Variants in FASN observed in about 807,000 individuals in gnomAD.
FASN encodes the protein 3-hydroxyacyl-[acyl-carrier-protein] dehydratase.
In FASN, 50 loss-of-function variants were observed where a neutral mutation model predicts 250.0. That is an observed-to-expected ratio of 0.20 (90% CI 0.16 to 0.25). FASN has a LOEUF of 0.25. Ranked by LOEUF, FASN falls within the 10% of genes least tolerant of loss-of-function variation. The pLI is 1.00. For synonymous variants in FASN, 1,909 were observed against 1,584.0 expected, an observed-to-expected ratio of 1.21 and a Z score of -4.87; for missense variants, 3,031 against 3,498.5, an observed-to-expected ratio of 0.87 and a Z score of 3.37.
At chr17:82,087,925 G>C in intron 18 of FASN, 29 bp downstream of exon 18, 1 of 1,612,266 alleles carries the variant, frequency 6.2e-7, no homozygotes, top group Non-Finnish European at 8.5e-7. Context: ...CACAGCCTCC[G>C]CAGCTCCCGT....
chr17:82,088,957 G>A lies in FASN; in HGVS notation c.2304+12C>T, dbSNP rs757368502. On this transcript the variant is annotated intron_variant, in intron 14 of 42. Coordinates refer to ENST00000306749, the MANE Select transcript of FASN (RefSeq NM_004104.5). ...AGGCTCCCGGCGCCTGCTGCCCCCA[G>A]GCTGGGCCTACCTGCAGCAGGGCGT... is the stretch of plus-strand genomic sequence containing the variant. The A allele has an allele frequency of 6.2e-7, 1 of 1,608,824 alleles. No homozygotes were observed. Among genetic ancestry groups the A allele is most frequent in the Non-Finnish European group, 8.5e-7 (1 of 1,178,236 alleles).
chr17:82,097,453 C>T (rs1057212324), intron 1 of FASN: 1 of 152,464 alleles, frequency 6.6e-6, no homozygotes, highest in African/African-American at 2.4e-5. Flanking sequence ...TGCGGCCTCC[C>T]TTGGGCCGTC....
chr17:82,090,356 G>T lies in FASN; in HGVS notation c.1870+19C>A. ...GCCTCCTTTCTTGGAGGTGCTGGGGGCCCCTCCGGGAGACCTACCCACGGC... is the reference window on the plus strand; with the variant it reads ...GCCTCCTTTCTTGGAGGTGCTGGGGTCCCCTCCGGGAGACCTACCCACGGC... On this transcript the variant is annotated intron_variant, in intron 11 of 42. Coordinates refer to ENST00000306749, the MANE Select transcript of FASN (RefSeq NM_004104.5). 1 of 1,565,078 alleles carries T rather than the reference G, an allele frequency of 6.4e-7. No homozygotes were observed.
In FASN at chr17:82,083,268, C is replaced by T. The variant is rs2144785218; in HGVS notation, c.5499G>A (p.Gly1833=). ...VRPLKCTVFH[G]AQVEDAFRYM... ...AGCGGAAGGCGTCCTCCACCTGGGC[C>T]CCATGGAACACCGTGCACTTGAGGG... The change falls in exon 32 of 43, where the codon GGG becomes GGA. Residue 1833 remains glycine (G), a synonymous_variant. Coordinates refer to ENST00000306749, the MANE Select transcript of FASN (RefSeq NM_004104.5). The T allele has an allele frequency of 1.9e-6, 3 of 1,612,746 alleles. No individual in the cohort carries two copies. The highest frequency in any genetic ancestry group is 2.5e-6 in the Non-Finnish European group (3 of 1,179,974).
rs367737065 is a variant in FASN, at chr17:82,093,581, G to A, written c.454+17C>T. On this transcript the variant is annotated intron_variant, in intron 4 of 42. Coordinates refer to ENST00000306749, the MANE Select transcript of FASN (RefSeq NM_004104.5). ...CTGAAGGCCACCCACCTCCGCAGGA[G>A]GCTGGGCAGGACCCACCTCTGAAGT... 1.2e-5 allele frequency: 19 copies of A among 1,612,664 alleles called. No individual in the cohort carries two copies. Among genetic ancestry groups the A allele is most frequent in the African/African-American group, 2.7e-5 (2 of 74,950 alleles).
Position 82,088,012 on chromosome 17 carries a change from C to A in FASN, c.2808G>T (p.Arg936=), listed in dbSNP as rs1870331805. ...CGAAGGCACGGGAGGCCTCCAGGAG[C>A]CGTACCTCCAGGGACACTGTCCCTG... ...PKTGTVSLEV[R]LLEASRAFEV... Residue 936 remains arginine (R), a synonymous_variant, in exon 18 of 43, where the codon CGG becomes CGT. Transcript: ENST00000306749. 1 of 1,612,784 alleles carries A rather than the reference C, an allele frequency of 6.2e-7. No homozygotes were observed. Among genetic ancestry groups the A allele is most frequent in the Non-Finnish European group, 8.5e-7 (1 of 1,179,986 alleles).
In FASN at chr17:82,085,382, G is replaced by A. The variant is rs1347589995; in HGVS notation, c.4143C>T (p.Phe1381=). Reference sequence around the variant, plus strand: ...CCACCAGGCGCAGCGACACCCTGGAGAAGAGGCTCTCCCACGCGTCCTGTG... The same window carrying A: ...CCACCAGGCGCAGCGACACCCTGGAAAAGAGGCTCTCCCACGCGTCCTGTG... The part of the protein sequence containing the change: ...ILSQDAWESL[F]SRVSLRLVGL... The change falls in exon 24 of 43, where the codon TTC becomes TTT. Residue 1381 remains phenylalanine (F), a synonymous_variant. Transcript: ENST00000306749. 4 of 1,611,426 alleles carry A rather than the reference G, an allele frequency of 2.5e-6. No individual in the cohort carries two copies. The highest frequency in any genetic ancestry group is 1.7e-6 in the Non-Finnish European group (2 of 1,179,474).
chr17:82,091,375 C>T lies in FASN; in HGVS notation c.1339G>A (p.Asp447Asn), dbSNP rs372691984. The T allele has an allele frequency of 6.2e-7, 1 of 1,611,068 alleles. No homozygotes were observed. Among genetic ancestry groups the T allele is most frequent in the African/African-American group, 1.3e-5 (1 of 74,908 alleles). The change falls in exon 9 of 43, where the codon GAC (aspartate) becomes AAC (asparagine). Residue 447 changes from aspartate to asparagine, a missense_variant. By Grantham distance (23) the Asp-to-Asn change is conservative. Coordinates refer to ENST00000306749, the MANE Select transcript of FASN (RefSeq NM_004104.5). ...LLEQGLRHSQ[D>N]LAFLSMLNDI... ...TTCAGCATGCTCAGGAAAGCCAGGTCCTGGCTGTGCCGGAGGCCCTGCTCC... is the reference window on the plus strand; with the variant it reads ...TTCAGCATGCTCAGGAAAGCCAGGTTCTGGCTGTGCCGGAGGCCCTGCTCC...
rs1046192365 is a variant in FASN at position 82,083,305 on chromosome 17, C to T, written c.5462G>A (p.Gly1821Glu). 3 of 1,612,674 alleles carry T rather than the reference C, an allele frequency of 1.9e-6. No homozygotes were observed. The highest frequency in any genetic ancestry group is 2.7e-5 in the African/African-American group (2 of 74,942). ...CGTGCACTTGAGGGGCCGTACCACC[C>T]CATCCCGGATGCCGGCCTGCACAAG... ...WALVQAGIRD[G>E]VVRPLKCTVF... Residue 1821 changes from glycine to glutamate, a missense_variant, in exon 32 of 43, where the codon GGG (glycine) becomes GAG (glutamate). Gly to Glu is a moderately conservative substitution (Grantham distance 98). Transcript: ENST00000306749.
At chr17:82,093,451 G>A in intron 4 of FASN, 32 bp from the exon 5 acceptor site, 6 of 1,587,828 alleles carry the variant, frequency 3.8e-6, no homozygotes, top group Non-Finnish European at 5.1e-6. Context: ...CTCAGGTGGG[G>A]CTGTGAGCAC....
intron 21 of FASN, 51 bp from the exon 22 acceptor site, chr17:82,086,609 G>A (rs985673867): frequency 7.2e-7 from 1 of 1,389,708 alleles, no homozygotes; most frequent in African/African-American, 1.4e-5. Flanking sequence ...CAGGGCATCT[G>A]CCTGGCATGG....
rs759056728 is a variant in FASN, at chr17:82,084,632, G to A, written c.4649C>T (p.Ser1550Leu). 14 of 1,603,180 alleles carry A rather than the reference G, an allele frequency of 8.7e-6. No individual in the cohort carries two copies. The highest frequency in any genetic ancestry group is 3.4e-5 in the South Asian group (3 of 89,458). ...DLSSIRWVCSSLRHAQPTCPG... is the reference protein window; with the variant it reads ...DLSSIRWVCSLLRHAQPTCPG... ...GCAGGTGGGCTGGGCATGGCGCAGC[G>A]AGGAGCAGACCCAGCGGATGGAGGA... The change falls in exon 27 of 43, where the codon TCG (serine) becomes TTG (leucine). Residue 1550 changes from serine (S) to leucine (L), a missense_variant. Transcript: ENST00000306749.
In FASN at chr17:82,088,534, G is replaced by T; in HGVS notation, c.2449C>A (p.Pro817Thr). The change falls in exon 16 of 43, where the codon CCA (proline) becomes ACA (threonine). Residue 817 changes from proline (P) to threonine (T), a missense_variant. Pro to Thr is a conservative substitution (Grantham distance 38). Coordinates refer to ENST00000306749, the MANE Select transcript of FASN (RefSeq NM_004104.5). ...GIDANPNALF[P>T]PVEFPAPRGT... ...CGGGGAGCTGGGAACTCCACAGGTG[G>T]GAACAAGGCATTGGGGTTGGCGTCG... 1 of 1,607,152 alleles carries T rather than the reference G, an allele frequency of 6.2e-7. No homozygotes were observed. The highest frequency in any genetic ancestry group is 8.5e-7 in the Non-Finnish European group (1 of 1,176,004).
chr17:82,080,320 G>T, intron 40 of FASN, 50 bp downstream of exon 40: 1 of 1,609,416 alleles, frequency 6.2e-7, no homozygotes, highest in Non-Finnish European at 8.5e-7. Flanking sequence ...GGGCACAGGT[G>T]GGGAGCCCAG....
chr17:82,095,582 G>T, intron 2 of FASN, 110 bp from the exon 3 acceptor site: 1 of 1,355,072 alleles, frequency 7.4e-7, no homozygotes. Context: ...AGGACTCTCT[G>T]CTATGCCTGG....
At position 82,084,912 on chromosome 17, in the gene FASN, G is replaced by C. The variant is rs547076440; in HGVS notation, c.4451C>G (p.Pro1484Arg). 3 of 1,552,312 alleles carry C rather than the reference G, an allele frequency of 1.9e-6. No individual in the cohort carries two copies. Among genetic ancestry groups the C allele is most frequent in the East Asian group, 2.4e-5 (1 of 41,098 alleles). The stretch of plus-strand genomic sequence containing the variant: ...TTCTGCGGAGCCCGGGTCCACCTCC[G>C]GGACGTGGGAGGTGCTGCTGAGGTT... ...LSNLSSTSHVPEVDPGSAELQ... is the reference protein window; with the variant it reads ...LSNLSSTSHVREVDPGSAELQ... The change falls in exon 26 of 43, where the codon CCG becomes CGG. Residue 1484 changes from proline (P) to arginine (R), a missense_variant. Physicochemically the swap from Pro to Arg is moderately radical, Grantham distance 103. Coordinates refer to ENST00000306749, the MANE Select transcript of FASN (RefSeq NM_004104.5).
rs2034246622 is a variant in FASN, at chr17:82,093,321, C to T, written c.553G>A (p.Val185Met). ...IHSGQCPAAI[V>M]GGINVLLKPN... Reference sequence around the variant, plus strand: ...TTCAGCAGGACATTGATGCCCCCCACGATGGCGGCAGGGCACTGCCCGCTG... The same window carrying T: ...TTCAGCAGGACATTGATGCCCCCCATGATGGCGGCAGGGCACTGCCCGCTG... Residue 185 changes from valine to methionine, a missense_variant, in exon 5 of 43, where the codon GTG becomes ATG. Val to Met is a conservative substitution (Grantham distance 21, BLOSUM62 1). Transcript: ENST00000306749. 1.2e-6 allele frequency: 2 copies of T among 1,600,626 alleles called. No individual in the cohort carries two copies. The highest frequency in any genetic ancestry group is 1.7e-6 in the Non-Finnish European group (2 of 1,174,866).
At position 82,088,004 on chromosome 17, in the gene FASN, T is replaced by C. The variant is rs1568112081; in HGVS notation, c.2816A>G (p.Glu939Gly). 2 of 1,612,678 alleles carry C rather than the reference T, an allele frequency of 1.2e-6. No individual in the cohort carries two copies. Among genetic ancestry groups the C allele is most frequent in the Non-Finnish European group, 1.7e-6 (2 of 1,179,952 alleles). Reference sequence around the variant, plus strand: ...TGACACCTCGAAGGCACGGGAGGCCTCCAGGAGCCGTACCTCCAGGGACAC... The same window carrying C: ...TGACACCTCGAAGGCACGGGAGGCCCCCAGGAGCCGTACCTCCAGGGACAC... ...GTVSLEVRLL[E>G]ASRAFEVSEN... is the part of the protein sequence containing the mutation. Residue 939 changes from glutamate (E) to glycine (G), a missense_variant, in exon 18 of 43, where the codon GAG becomes GGG. Coordinates refer to ENST00000306749, the MANE Select transcript of FASN (RefSeq NM_004104.5).
chr17:82,081,384 GA>G, intron 37 of FASN, 32 bp from the exon 38 acceptor site: 2 of 1,560,364 alleles, frequency 1.3e-6, no homozygotes, highest in African/African-American at 2.7e-5. Context: ...GGCAACTCCA[GA>G]GGGGGCATGG....
Sources: allele counts gnomAD v4.1 joint callset, GRCh38; gene constraint gnomAD v4.1.1; transcripts MANE v1.5; gene names NCBI Gene and HGNC (gene_info 2026-07-23, HGNC 2026-07-21).